OSBPL1A: variants seen among roughly 807,000 people sequenced by gnomAD.
OSBPL1A encodes the protein oxysterol binding protein like 1A.
Under a neutral mutation model 137.1 loss-of-function variants are expected in OSBPL1A, and 80 were observed. The ratio of observed to expected loss-of-function variants is 0.58; its 90% CI spans 0.49 to 0.70. OSBPL1A has a LOEUF of 0.70. Among genes scored for constraint, OSBPL1A ranks in the 30% least tolerant of loss-of-function variants. OSBPL1A has a pLI of 0.00. For synonymous variants in OSBPL1A, 365 were observed against 389.7 expected, an observed-to-expected ratio of 0.94 and a Z score of 0.75; for missense variants, 970 against 1,129.4, an observed-to-expected ratio of 0.86 and a Z score of 2.02.
intron 14 of OSBPL1A, among the ~76,000 whole-genome samples, chr18:24,293,752 G>C (rs1036613994): frequency 1.3e-5 from 2 of 152,158 alleles, no homozygotes; most frequent in African/African-American, 4.8e-5. Context: ...GGGCTGGAAG[G>C]CTCTGCAGGT....
At chr18:24,183,087 T>C (rs931619959) in intron 18 of OSBPL1A, among the ~76,000 whole-genome samples, 1 of 152,010 alleles carries the variant, frequency 6.6e-6, no homozygotes, top group African/African-American at 2.4e-5. Flanking sequence ...GTCAGGCTGG[T>C]CTCGAACTCC....
intron 24 of OSBPL1A, among the ~76,000 whole-genome samples, chr18:24,169,328 A>G (rs12455441): frequency 0.18 from 27,960 of 152,170 alleles, 3,151 homozygotes; most frequent in East Asian, 0.45. Flanking sequence ...GAACTTTCAC[A>G]TGCATAAGAA....
At chr18:24,218,166 T>C (rs768956771) in intron 17 of OSBPL1A, 3 of 152,080 alleles carry the variant, frequency 2.0e-5, no homozygotes, top group Non-Finnish European at 4.4e-5. Context: ...ATCAAGAAAA[T>C]GTGAATACTA....
chr18:24,172,707 T>C (rs902530284), intron 21 of OSBPL1A, among the ~76,000 whole-genome samples: 12 of 152,142 alleles, frequency 7.9e-5, no homozygotes, highest in African/African-American at 2.7e-4. Context: ...AAAAATTCTA[T>C]ACTTCCACCA....
intron 15 of OSBPL1A, among the ~76,000 whole-genome samples, chr18:24,269,543 A>T (rs772665842): frequency 1.3e-5 from 2 of 152,168 alleles, no homozygotes; most frequent in Non-Finnish European, 2.9e-5. Flanking sequence ...ACAATCTATA[A>T]ATATTTATCA....
At chr18:24,353,687 G>T (rs943604929) in intron 4 of OSBPL1A, among the ~76,000 whole-genome samples, 1 of 151,362 alleles carries the variant, frequency 6.6e-6, no homozygotes, top group African/African-American at 2.4e-5. Context: ...AACAATGATA[G>T]ACTGGATTAA....
At chr18:24,325,691 G>A (rs1466393366) in intron 7 of OSBPL1A, among the ~76,000 whole-genome samples, 1 of 152,164 alleles carries the variant, frequency 6.6e-6, no homozygotes, top group East Asian at 1.9e-4. Flanking sequence ...TCAAGAGCAC[G>A]GGGACTGTTG....
At position 24,377,471 on chromosome 18, in the gene OSBPL1A, T is replaced by C; in HGVS notation, c.63A>G (p.Val21=). ...HHARNGNAEE[V]RQLLETMARN... ...TCGCCATGGTCTCTAATAGTTGTCT[T>C]ACTTCTTCAGCATTGCCATTTCTGG... Residue 21 remains valine (V), a synonymous_variant, in exon 2 of 28, where the codon GTA becomes GTG. Coordinates refer to ENST00000319481, the MANE Select transcript of OSBPL1A (RefSeq NM_080597.4). 2 of 1,612,692 alleles carry C rather than the reference T, an allele frequency of 1.2e-6. No homozygotes were observed. Among genetic ancestry groups the C allele is most frequent in the South Asian group, 2.2e-5 (2 of 90,438 alleles).
intron 16 of OSBPL1A, among the ~76,000 whole-genome samples, chr18:24,228,386 C>T (rs1220425356): frequency 3.3e-5 from 5 of 151,974 alleles, no homozygotes; most frequent in African/African-American, 1.2e-4. Flanking sequence ...CCCTAAAGGG[C>T]TCTAAGAAAG....
intron 14 of OSBPL1A, among the ~76,000 whole-genome samples, chr18:24,287,987 C>T (rs2090099499): frequency 6.6e-6 from 1 of 152,106 alleles, no homozygotes; most frequent in African/African-American, 2.4e-5. Context: ...ACTGTTGTGG[C>T]CTGTACCTTT....
In OSBPL1A at chr18:24,377,498, G is replaced by A. The variant is rs369836231; in HGVS notation, c.36C>T (p.His12=). 6.2e-6 allele frequency: 10 copies of A among 1,611,342 alleles called. No homozygotes were observed. Among genetic ancestry groups the A allele is most frequent in the Non-Finnish European group, 6.8e-6 (8 of 1,179,386 alleles). The change falls in exon 2 of 28, where the codon CAC becomes CAT. Residue 12 remains histidine (H), a synonymous_variant. Coordinates refer to ENST00000319481, the MANE Select transcript of OSBPL1A (RefSeq NM_080597.4). The part of the protein sequence containing the change: ...NTEAEQQLLH[H]ARNGNAEEVR... ...CTTCTTCAGCATTGCCATTTCTGGC[G>A]TGATGGAGAAGCTGTTGCTCCGCTT...
Position 24,262,390 on chromosome 18 carries a change from T to C in OSBPL1A, c.1281+18452A>G, listed in dbSNP as rs1044506288. 2.7e-5 allele frequency among the ~76,000 whole-genome samples: 3 copies of C among 111,374 alleles called. No individual in the cohort carries two copies. In the East Asian group the frequency reaches 5.9e-4, roughly 22 times the overall value. 73.1% of individuals were successfully genotyped at this position (111,374 alleles called of 152,430 possible). On this transcript the variant is annotated intron_variant, in intron 15 of 27. Transcript: ENST00000319481. ...ATATTTTACATATCCTCAAAATAAA[T>C]AGTTTTTTTTTTTGAGATACGCCAC... is the stretch of plus-strand genomic sequence containing the variant.
At chr18:24,350,316 G>A (rs1004635396) in intron 4 of OSBPL1A, among the ~76,000 whole-genome samples, 1 of 152,228 alleles carries the variant, frequency 6.6e-6, no homozygotes, top group African/African-American at 2.4e-5. Flanking sequence ...GCCACACATT[G>A]TAGAACATTA....
intron 17 of OSBPL1A, among the ~76,000 whole-genome samples, chr18:24,201,700 T>C (rs1466398436): frequency 1.3e-5 from 2 of 151,826 alleles, no homozygotes; most frequent in African/African-American, 4.8e-5. Flanking sequence ...GAGGCAGAGG[T>C]TGCAGTGAGC....
intron 14 of OSBPL1A, among the ~76,000 whole-genome samples, chr18:24,291,527 A>G (rs2090173421): frequency 6.6e-6 from 1 of 152,192 alleles, no homozygotes; most frequent in Non-Finnish European, 1.5e-5. Flanking sequence ...GGCTCAACAT[A>G]TGTCTATTAA....
chr18:24,260,873 T>C (rs1242028875), intron 15 of OSBPL1A, among the ~76,000 whole-genome samples: 2 of 149,862 alleles, frequency 1.3e-5, no homozygotes, highest in Non-Finnish European at 3.0e-5. Context: ...GCATTTATCA[T>C]ATGACCTATG....
chr18:24,184,481 C>A (rs73408135), intron 18 of OSBPL1A, among the ~76,000 whole-genome samples: 4,219 of 152,194 alleles, frequency 0.028, 151 homozygotes, highest in African/African-American at 0.087. Context: ...TATGTCCTAC[C>A]CAGATTTTAA....
chr18:24,267,575 A>G (rs1022366428), intron 15 of OSBPL1A, among the ~76,000 whole-genome samples: 6 of 152,206 alleles, frequency 3.9e-5, no homozygotes, highest in Non-Finnish European at 7.4e-5. Flanking sequence ...AAGATAATAC[A>G]TCATAACCAA....
chr18:24,355,908 G>A (rs535725244), intron 4 of OSBPL1A, among the ~76,000 whole-genome samples: 24 of 149,534 alleles, frequency 1.6e-4, no homozygotes, highest in Non-Finnish European at 3.0e-4. Flanking sequence ...TTGCTTGAAC[G>A]CGGGACACAG....
Sources: allele counts gnomAD v4.1 joint callset (sites outside exome capture counted in the v4.1 genomes callset), GRCh38; gene constraint gnomAD v4.1.1; transcripts MANE v1.5; gene names NCBI Gene and HGNC (gene_info 2026-07-23, HGNC 2026-07-21).